ZNF385D: variants seen among roughly 807,000 people sequenced by gnomAD.
ZNF385D encodes the protein zinc finger protein 659.
Under a neutral mutation model 35.8 loss-of-function variants are expected in ZNF385D, and 15 were observed. The observed-to-expected ratio is 0.42, with a 90% CI of 0.28 to 0.64. ZNF385D has a LOEUF of 0.64. Among genes scored for constraint, ZNF385D ranks in the 30% least tolerant of loss-of-function variants. The pLI is 0.23. For synonymous variants in ZNF385D, 212 were observed against 186.8 expected, an observed-to-expected ratio of 1.13 and a Z score of -1.10; for missense variants, 474 against 494.6, an observed-to-expected ratio of 0.96 and a Z score of 0.39.
intron 3 of ZNF385D, among the ~76,000 whole-genome samples, chr3:22,007,470 G>A (rs1696282725): frequency 6.6e-6 from 1 of 152,288 alleles, no homozygotes; most frequent in South Asian, 2.1e-4. Context: ...AAGTTGTTTA[G>A]TATGTGTGGA....
intron 2 of ZNF385D, among the ~76,000 whole-genome samples, chr3:21,607,947 A>G (rs60243772): frequency 0.59 from 89,111 of 150,724 alleles, 27,353 homozygotes; most frequent in East Asian, 0.74. Context: ...ATATAATCAA[A>G]TCTGAATTTT....
chr3:21,696,573 A>C (rs1264285562), intron 1 of ZNF385D, among the ~76,000 whole-genome samples: 4 of 152,206 alleles, frequency 2.6e-5, no homozygotes, highest in Admixed American at 2.6e-4. Context: ...CTCTTACACC[A>C]TTTAATCAAT....
chr3:21,929,211 AAAG>A (rs1700885998), intron 3 of ZNF385D, among the ~76,000 whole-genome samples: 2 of 152,138 alleles, frequency 1.3e-5, no homozygotes, highest in South Asian at 4.1e-4. Flanking sequence ...TCAATAAAAT[AAAG>A]AACGAAAACC....
chr3:22,173,545 C>T (rs1040588484), intron 2 of ZNF385D, among the ~76,000 whole-genome samples: 2 of 152,064 alleles, frequency 1.3e-5, no homozygotes, highest in Non-Finnish European at 2.9e-5. Flanking sequence ...AAAACAGGAA[C>T]CTCTTGAGAA....
At chr3:21,909,088 T>C (rs971055127) in intron 3 of ZNF385D, among the ~76,000 whole-genome samples, 6 of 152,056 alleles carry the variant, frequency 3.9e-5, no homozygotes, top group African/African-American at 1.2e-4. Flanking sequence ...TAAACGTTCA[T>C]TGATAGCACT....
At chr3:21,599,275 G>A (rs984117775) in intron 2 of ZNF385D, among the ~76,000 whole-genome samples, 11 of 152,108 alleles carry the variant, frequency 7.2e-5, no homozygotes, top group African/African-American at 2.4e-4. Flanking sequence ...TCTTTTGAGG[G>A]ATAAATCAAA....
intron 2 of ZNF385D, among the ~76,000 whole-genome samples, chr3:22,238,155 C>T (rs1430955187): frequency 2.0e-5 from 3 of 151,152 alleles, no homozygotes; most frequent in Non-Finnish European, 4.4e-5. Flanking sequence ...TTCTATTCTA[C>T]TAATCTACAT....
intron 3 of ZNF385D, among the ~76,000 whole-genome samples, chr3:21,954,288 C>T (rs114488144): frequency 0.014 from 2,193 of 151,932 alleles, 29 homozygotes; most frequent in Middle Eastern, 0.031. Context: ...GATGTTTGAC[C>T]CACAGCAGAT....
intron 3 of ZNF385D, among the ~76,000 whole-genome samples, chr3:22,091,871 A>T (rs901060980): frequency 6.6e-6 from 1 of 152,152 alleles, no homozygotes; most frequent in Admixed American, 6.6e-5. Flanking sequence ...TTAACTTTAC[A>T]ACTTGGTCTT....
At chr3:22,020,036 T>C (rs1697129046) in intron 3 of ZNF385D, among the ~76,000 whole-genome samples, 1 of 151,784 alleles carries the variant, frequency 6.6e-6, no homozygotes, top group Admixed American at 6.6e-5. Context: ...TTAATATTAT[T>C]AACTTTATTT....
chr3:21,492,420 CAA>C (rs754073394), intron 4 of ZNF385D, among the ~76,000 whole-genome samples: 19 of 106,578 alleles, frequency 1.8e-4, no homozygotes, highest in Non-Finnish European at 2.4e-4. Flanking sequence ...GAAACAAGAC[CAA>C]AAAAAAAAAA....
intron 2 of ZNF385D, among the ~76,000 whole-genome samples, chr3:22,265,866 G>A (rs1318565120): frequency 6.6e-6 from 1 of 151,938 alleles, no homozygotes; most frequent in African/African-American, 2.4e-5. Context: ...GTCACATAGA[G>A]GTTAAGCCAC....
intron 1 of ZNF385D, among the ~76,000 whole-genome samples, chr3:21,721,540 T>A (rs1292437463): frequency 6.6e-6 from 1 of 152,118 alleles, no homozygotes; most frequent in Non-Finnish European, 1.5e-5. Context: ...TTCTTTGAGA[T>A]TTAATAATCA....
At chr3:21,756,282 T>G (rs1400226249) in intron 3 of ZNF385D, among the ~76,000 whole-genome samples, 1 of 152,128 alleles carries the variant, frequency 6.6e-6, no homozygotes, top group Non-Finnish European at 1.5e-5. Context: ...TCTGGTAGGT[T>G]AGATAAGCAA....
At chr3:21,910,078 AT>A (rs1410570553) in intron 3 of ZNF385D, among the ~76,000 whole-genome samples, 1 of 124,798 alleles carries the variant, frequency 8.0e-6, no homozygotes, top group African/African-American at 3.1e-5. Flanking sequence ...GGTTAAACAT[AT>A]ATTTTACACA....
intron 3 of ZNF385D, chr3:22,168,714 T>C: frequency 1.4e-6 from 1 of 703,252 alleles, no homozygotes; most frequent in Non-Finnish European, 1.7e-6. Context: ...ATATTTTTCC[T>C]GGTTTAAAAA....
At chr3:21,993,070 T>C (rs1256273556) in intron 3 of ZNF385D, among the ~76,000 whole-genome samples, 8 of 152,234 alleles carry the variant, frequency 5.3e-5, no homozygotes, top group Non-Finnish European at 1.2e-4. Context: ...AAAAGTTTTC[T>C]TATCAACATG....
chr3:21,672,702 C>T (rs1014541836), intron 1 of ZNF385D, among the ~76,000 whole-genome samples: 2 of 152,098 alleles, frequency 1.3e-5, no homozygotes, highest in African/African-American at 4.8e-5. Context: ...TCCAGTAAGT[C>T]ACCTCAACAC....
intron 3 of ZNF385D, among the ~76,000 whole-genome samples, chr3:21,970,332 T>A (rs182665352): frequency 1.3e-5 from 2 of 152,142 alleles, no homozygotes; most frequent in African/African-American, 4.8e-5. Context: ...GAGAAGGAAT[T>A]CAGAATCCTA....
Sources: gnomAD v4.1 joint callset for allele counts (sites outside exome capture counted in the v4.1 genomes callset) on GRCh38, gnomAD v4.1.1 for gene constraint, MANE v1.5 for transcripts, NCBI Gene and HGNC (gene_info 2026-07-23, HGNC 2026-07-21) for gene names.